SMPD3: variants seen among roughly 807,000 people sequenced by gnomAD.
SMPD3 encodes nSMase-2.
A neutral mutation model predicts 55.7 loss-of-function variants in SMPD3; 21 were observed. The ratio of observed to expected loss-of-function variants is 0.38; its 90% CI spans 0.27 to 0.54. The LOEUF (loss-of-function observed/expected upper bound fraction) is 0.54. Ranked by LOEUF, SMPD3 falls within the 20% of genes least tolerant of loss-of-function variation. The pLI is 0.80. For missense variants in SMPD3, 842 were observed against 899.6 expected, an observed-to-expected ratio of 0.94 and a Z score of 0.82; for synonymous variants, 457 against 404.3, an observed-to-expected ratio of 1.13 and a Z score of -1.56.
At chr16:68,434,685 T>C (rs2090507682) in intron 1 of SMPD3, among the ~76,000 whole-genome samples, 1 of 152,218 alleles carries the variant, frequency 6.6e-6, no homozygotes, top group Non-Finnish European at 1.5e-5. Context: ...TTTTGAGCCA[T>C]AGCTGATGAT....
intron 1 of SMPD3, among the ~76,000 whole-genome samples, chr16:68,403,754 C>T (rs1237760418): frequency 6.6e-6 from 1 of 152,166 alleles, no homozygotes; most frequent in Admixed American, 6.5e-5. Context: ...AATTTTACCC[C>T]AGCTCATTTC....
chr16:68,399,834 A>G (rs529784017), intron 1 of SMPD3, among the ~76,000 whole-genome samples: 2 of 152,304 alleles, frequency 1.3e-5, no homozygotes, highest in Admixed American at 6.5e-5. Context: ...CCTTGCTATA[A>G]ACACAGTACA....
chr16:68,382,871 T>C (rs1597628023), intron 2 of SMPD3, among the ~76,000 whole-genome samples: 1 of 152,348 alleles, frequency 6.6e-6, no homozygotes, highest in African/African-American at 2.4e-5. Context: ...AGATGGAGTC[T>C]CGCTCTGTCG....
chr16:68,399,973 C>T (rs558782072), intron 1 of SMPD3, among the ~76,000 whole-genome samples: 5 of 152,372 alleles, frequency 3.3e-5, no homozygotes, highest in African/African-American at 9.6e-5. Flanking sequence ...CCACACCTCT[C>T]CACTCTACTC....
chr16:68,448,123 C>A (rs953190781), intron 1 of SMPD3, among the ~76,000 whole-genome samples: 3 of 152,138 alleles, frequency 2.0e-5, no homozygotes, highest in African/African-American at 7.2e-5. Context: ...TGGGGGTGAC[C>A]CCCAGCCCTC....
chr16:68,441,586 AT>A (rs1160570952), intron 1 of SMPD3, among the ~76,000 whole-genome samples: 3 of 152,184 alleles, frequency 2.0e-5, no homozygotes, highest in South Asian at 4.1e-4. Flanking sequence ...AACATTTTAC[AT>A]TTTTTATACT....
intron 1 of SMPD3, among the ~76,000 whole-genome samples, chr16:68,419,690 AG>A (rs1222183138): frequency 6.6e-6 from 1 of 152,220 alleles, no homozygotes; most frequent in East Asian, 1.9e-4. Context: ...CCTCCAACAT[AG>A]CACAGATGCC....
At chr16:68,370,578 A>C (rs949606400) in intron 3 of SMPD3, among the ~76,000 whole-genome samples, 4 of 148,258 alleles carry the variant, frequency 2.7e-5, no homozygotes, top group African/African-American at 1.0e-4. Context: ...TCCACTTTAC[A>C]GTTGGGGAAA....
At chr16:68,413,384 A>G (rs1282800312) in intron 1 of SMPD3, among the ~76,000 whole-genome samples, 1 of 152,240 alleles carries the variant, frequency 6.6e-6, no homozygotes, top group South Asian at 2.1e-4. Flanking sequence ...GGTCTATCCA[A>G]CAGGAGGTCT....
chr16:68,358,489 A>G lies in SMPD3; in HGVS notation c.*2717T>C, dbSNP rs933343969. On this transcript the variant is annotated 3_prime_UTR_variant, in exon 9 of 9. Coordinates refer to ENST00000219334, the MANE Select transcript of SMPD3 (RefSeq NM_018667.4). ...TATATATTTGATAATGTTTTTACCA[A>G]AACCATAGGTGTGCTTACCATAGAA... is the stretch of plus-strand genomic sequence containing the variant. 6.5e-6 allele frequency: 1 copy of G among 152,808 alleles called. No homozygotes were observed. Among genetic ancestry groups the G allele is most frequent in the Non-Finnish European group, 1.5e-5 (1 of 68,040 alleles). 9.5% of individuals were successfully genotyped at this position (152,808 alleles called of 1,614,324 possible).
chr16:68,421,538 G>A (rs952961286), intron 1 of SMPD3, among the ~76,000 whole-genome samples: 2 of 152,216 alleles, frequency 1.3e-5, no homozygotes, highest in African/African-American at 4.8e-5. Context: ...CAACCTGGCA[G>A]TGTTTGTGCA....
chr16:68,416,913 G>A (rs1240322808), intron 1 of SMPD3, among the ~76,000 whole-genome samples: 1 of 152,140 alleles, frequency 6.6e-6, no homozygotes, highest in Non-Finnish European at 1.5e-5. Flanking sequence ...AGAGCTCTGT[G>A]GCTGGAAAGC....
intron 1 of SMPD3, among the ~76,000 whole-genome samples, chr16:68,446,914 T>G (rs1321887074): frequency 6.6e-6 from 1 of 152,116 alleles, no homozygotes; most frequent in African/African-American, 2.4e-5. Context: ...GTAGGGGGTA[T>G]GGGAAAAGGG....
intron 3 of SMPD3, chr16:68,369,624 G>A (rs932136026): frequency 6.6e-6 from 1 of 152,276 alleles, no homozygotes; most frequent in Admixed American, 6.5e-5. Flanking sequence ...GAACACCAAC[G>A]GACCATATGC....
At chr16:68,369,316 C>CT (rs2089583743) in intron 3 of SMPD3, 1 of 151,944 alleles carries the variant, frequency 6.6e-6, no homozygotes, top group South Asian at 2.1e-4. Context: ...ATGAAAAGAA[C>CT]TTTCAGGACA....
chr16:68,393,013 C>T (rs915147321), intron 1 of SMPD3, among the ~76,000 whole-genome samples: 3 of 152,038 alleles, frequency 2.0e-5, no homozygotes, highest in South Asian at 2.1e-4. Context: ...AACTAAATTT[C>T]GGTTGTTTAA....
chr16:68,431,621 A>G (rs2090480301), intron 1 of SMPD3, among the ~76,000 whole-genome samples: 1 of 152,214 alleles, frequency 6.6e-6, no homozygotes, highest in Non-Finnish European at 1.5e-5. Context: ...TAGACACTTT[A>G]CTTACGAAAC....
chr16:68,418,084 C>A (rs1283890621), intron 1 of SMPD3, among the ~76,000 whole-genome samples: 1 of 152,192 alleles, frequency 6.6e-6, no homozygotes, highest in Non-Finnish European at 1.5e-5. Flanking sequence ...AGTGCCCTAT[C>A]ATGTTGCCGG....
chr16:68,403,499 A>G (rs1179962111), intron 1 of SMPD3, among the ~76,000 whole-genome samples: 2 of 152,236 alleles, frequency 1.3e-5, no homozygotes, highest in Non-Finnish European at 2.9e-5. Context: ...TAGTCCTGGA[A>G]GAAGGCTACT....
Sources: allele counts gnomAD v4.1 joint callset (sites outside exome capture counted in the v4.1 genomes callset), GRCh38; gene constraint gnomAD v4.1.1; transcripts MANE v1.5; gene names NCBI Gene and HGNC (gene_info 2026-07-23, HGNC 2026-07-21).